IL1RAPL1: variants seen among roughly 807,000 people sequenced by gnomAD.
IL1RAPL1 encodes the protein interleukin-1 receptor accessory protein-like 1.
Under a neutral mutation model 48.4 loss-of-function variants are expected in IL1RAPL1, and 3 were observed. The ratio of observed to expected loss-of-function variants is 0.06; its 90% CI spans 0.03 to 0.16. The LOEUF (loss-of-function observed/expected upper bound fraction) is 0.16, where lower values mean the gene tolerates loss of function less well. Among genes scored for constraint, IL1RAPL1 ranks in the 10% least tolerant of loss-of-function variants. IL1RAPL1 has a pLI of 1.00. For synonymous variants in IL1RAPL1, 185 were observed against 187.7 expected (o/e 0.99, Z 0.12); for missense variants, 349 against 530.6 (o/e 0.66, Z 3.36).
At chrX:28,722,780 T>G (rs1935602880) in intron 1 of IL1RAPL1, among the ~76,000 whole-genome samples, 1 of 111,465 alleles carries the variant, frequency 9.0e-6, no homozygotes, top group African/African-American at 3.3e-5. Context: ...AATACCTAAT[T>G]TATTGAGTGT....
At chrX:29,943,672 GTTTAT>G (rs980765593) in intron 9 of IL1RAPL1, among the ~76,000 whole-genome samples, 15 of 111,973 alleles carry the variant, frequency 1.3e-4, no homozygotes, top group African/African-American at 4.9e-4. Context: ...TTTTGAATAT[GTTTAT>G]TTTGTGTTCT....
chrX:28,683,477 C>G (rs1440595431), intron 1 of IL1RAPL1, among the ~76,000 whole-genome samples: 1 of 111,384 alleles, frequency 9.0e-6, no homozygotes, highest in Non-Finnish European at 1.9e-5. Flanking sequence ...TTTAGTTCAA[C>G]TTCTTTACTT....
intron 2 of IL1RAPL1, among the ~76,000 whole-genome samples, chrX:28,923,464 C>T (rs920690754): frequency 9.0e-6 from 1 of 111,264 alleles, no homozygotes; most frequent in Non-Finnish European, 1.9e-5. Flanking sequence ...TGTGAGCTAT[C>T]GTGCCCAGCC....
At chrX:29,460,195 C>T (rs1194616685) in intron 5 of IL1RAPL1, among the ~76,000 whole-genome samples, 1 of 112,103 alleles carries the variant, frequency 8.9e-6, no homozygotes, top group Non-Finnish European at 1.9e-5. Flanking sequence ...GACTAGAACC[C>T]TGCCTAGATC....
intron 6 of IL1RAPL1, among the ~76,000 whole-genome samples, chrX:29,813,711 A>C (rs1005582241): frequency 9.0e-6 from 1 of 110,952 alleles, no homozygotes; most frequent in Non-Finnish European, 1.9e-5. Flanking sequence ...ATAGTACCCA[A>C]TACGTAGTTT....
At chrX:29,331,905 C>T (rs1267122030) in intron 3 of IL1RAPL1, among the ~76,000 whole-genome samples, 1 of 110,077 alleles carries the variant, frequency 9.1e-6, no homozygotes, top group Non-Finnish European at 1.9e-5. Flanking sequence ...ATAATAGTAC[C>T]TACCTCATGG....
At chrX:29,214,272 A>C (rs1294355200) in intron 2 of IL1RAPL1, among the ~76,000 whole-genome samples, 1 of 111,570 alleles carries the variant, frequency 9.0e-6, no homozygotes, top group East Asian at 2.8e-4. Flanking sequence ...TATTTTAAAA[A>C]ATTATTCTTA....
Position 28,752,075 on chromosome X carries a change from G to T in IL1RAPL1, c.-24-37245G>T, listed in dbSNP as rs187585015. On this transcript the variant is annotated intron_variant, in intron 1 of 10. Coordinates refer to ENST00000378993, the MANE Select transcript of IL1RAPL1 (RefSeq NM_014271.4). ...TTGTATTTTACACTGTGAGATAATG[G>T]GATCCACATAAACTGGCATGCACAT... Among the ~76,000 whole-genome samples, 285 of 111,836 alleles carry T rather than the reference G, an allele frequency of 2.5e-3. 1 individual carries two copies. Among genetic ancestry groups the T allele is most frequent in the African/African-American group, 8.9e-3 (274 of 30,905 alleles).
chrX:29,418,987 G>T (rs5973777), intron 5 of IL1RAPL1, among the ~76,000 whole-genome samples: 19 of 110,809 alleles, frequency 1.7e-4, no homozygotes, highest in African/African-American at 6.2e-4. Context: ...TTATACTTTC[G>T]CAAGCTATTT....
chrX:29,753,399 T>C (rs1471310424), intron 6 of IL1RAPL1, among the ~76,000 whole-genome samples: 1 of 111,883 alleles, frequency 8.9e-6, no homozygotes, highest in African/African-American at 3.2e-5. Context: ...TCCATCTCAA[T>C]GACTTCCTTT....
intron 2 of IL1RAPL1, among the ~76,000 whole-genome samples, chrX:29,084,794 C>T (rs1034659895): frequency 1.8e-5 from 2 of 112,502 alleles, no homozygotes; most frequent in African/African-American, 6.5e-5. Context: ...CCGCTTCAAG[C>T]GATTCTCCTG....
At chrX:29,165,051 G>C (rs1391779176) in intron 2 of IL1RAPL1, among the ~76,000 whole-genome samples, 3 of 112,141 alleles carry the variant, frequency 2.7e-5, no homozygotes, top group Non-Finnish European at 3.8e-5. Context: ...GAGTGCGGTG[G>C]CTCACGCTTG....
intron 2 of IL1RAPL1, among the ~76,000 whole-genome samples, chrX:28,961,852 A>G (rs935068575): frequency 8.9e-6 from 1 of 111,830 alleles, no homozygotes; most frequent in African/African-American, 3.3e-5. Flanking sequence ...CCACTCTTTG[A>G]GAAATATTGG....
At chrX:28,787,348 A>G (rs896450628) in intron 1 of IL1RAPL1, among the ~76,000 whole-genome samples, 2 of 111,719 alleles carry the variant, frequency 1.8e-5, no homozygotes, top group Middle Eastern at 4.2e-3. Context: ...TGTCAACTTG[A>G]AGATTTCCTG....
At chrX:29,913,897 C>T in intron 6 of IL1RAPL1, among the ~76,000 whole-genome samples, 1 of 111,319 alleles carries the variant, frequency 9.0e-6, no homozygotes, top group Non-Finnish European at 1.9e-5. Context: ...TCTACTTGCC[C>T]CTCGTCTACA....
At chrX:28,828,001 C>G (rs1036683751) in intron 2 of IL1RAPL1, among the ~76,000 whole-genome samples, 5 of 111,644 alleles carry the variant, frequency 4.5e-5, no homozygotes, top group African/African-American at 6.5e-5. Context: ...CTAGTTTACT[C>G]TTCTTTTTTT....
chrX:29,601,409 A>C (rs1243404171), intron 5 of IL1RAPL1, among the ~76,000 whole-genome samples: 1 of 112,168 alleles, frequency 8.9e-6, no homozygotes, highest in East Asian at 2.8e-4. Context: ...TATTAAGCAT[A>C]AATTGAAATT....
At chrX:29,925,615 G>A (rs981844774) in intron 8 of IL1RAPL1, among the ~76,000 whole-genome samples, 1 of 106,866 alleles carries the variant, frequency 9.4e-6, no homozygotes, top group Non-Finnish European at 1.9e-5. Flanking sequence ...ATGGCTCACC[G>A]CAACCTCGAA....
At chrX:29,050,302 G>T (rs1377655601) in intron 2 of IL1RAPL1, among the ~76,000 whole-genome samples, 1 of 111,435 alleles carries the variant, frequency 9.0e-6, no homozygotes, top group Admixed American at 9.6e-5. Context: ...ATTGGACTTT[G>T]GTTATGGGTA....
Sources: gnomAD v4.1 joint callset for allele counts (sites outside exome capture counted in the v4.1 genomes callset) on GRCh38, gnomAD v4.1.1 for gene constraint, MANE v1.5 for transcripts, NCBI Gene and HGNC (gene_info 2026-07-23, HGNC 2026-07-21) for gene names.